Variants in FRMD3 observed in about 807,000 individuals in gnomAD.
FRMD3 encodes FERM domain-containing protein 3.
Under a neutral mutation model 70.2 loss-of-function variants are expected in FRMD3, and 33 were observed. That is an observed-to-expected ratio of 0.47 (90% CI 0.36 to 0.63). The LOEUF is 0.63. Among genes scored for constraint, FRMD3 ranks in the 20% least tolerant of loss-of-function variants. The probability of loss-of-function intolerance (pLI) is 0.00; values close to 1 mark genes in which losing one functional copy is unlikely to be tolerated. For synonymous variants in FRMD3, 279 were observed against 255.9 expected (o/e 1.09, Z -0.86); for missense variants, 632 against 711.4 (o/e 0.89, Z 1.27).
chr9:83,288,635 T>C (rs1022429184), intron 13 of FRMD3, among the ~76,000 whole-genome samples: 1 of 152,254 alleles, frequency 6.6e-6, no homozygotes, highest in Non-Finnish European at 1.5e-5. Context: ...TAATTGAAGA[T>C]GGTTCTTTAA....
intron 13 of FRMD3, among the ~76,000 whole-genome samples, chr9:83,273,054 G>A (rs868361073): frequency 4.4e-4 from 54 of 124,002 alleles, no homozygotes; most frequent in African/African-American, 1.2e-3. Context: ...GGGAGGTGGG[G>A]GGGGGCGCCT....
At chr9:83,508,330 C>G (rs1460607770) in intron 1 of FRMD3, among the ~76,000 whole-genome samples, 5 of 152,154 alleles carry the variant, frequency 3.3e-5, no homozygotes, top group Non-Finnish European at 1.5e-5. Flanking sequence ...GTTTCTGGAG[C>G]TAGGTGCTGT....
At chr9:83,418,601 A>G (rs1177588056) in intron 1 of FRMD3, among the ~76,000 whole-genome samples, 2 of 152,198 alleles carry the variant, frequency 1.3e-5, no homozygotes, top group Admixed American at 6.5e-5. Flanking sequence ...TCCTGCAAGA[A>G]TGGCCATTAT....
chr9:83,551,724 T>A, the FRMD3 span, among the ~76,000 whole-genome samples: 8 of 152,186 alleles, frequency 5.3e-5, no homozygotes, highest in African/African-American at 1.7e-4. Flanking sequence ...TGTCCAGGAA[T>A]TTATCCTTCT....
rs114359912 is a variant in FRMD3, at chr9:83,520,224, C to T, written c.147+17861G>A. 4.6e-3 allele frequency among the ~76,000 whole-genome samples: 698 copies of T among 152,260 alleles called. 10 individuals carry two copies. Among genetic ancestry groups the T allele is most frequent in the African/African-American group, 0.016 (662 of 41,546 alleles). ...ACTCACCAGGCTAATTCCTTCCCCCCCTGGACTTCAGATGCTCCCTGAGAA... is the reference window on the plus strand; with the variant it reads ...ACTCACCAGGCTAATTCCTTCCCCCTCTGGACTTCAGATGCTCCCTGAGAA... On this transcript the variant is annotated intron_variant, in intron 1 of 13. Transcript: ENST00000304195.
chr9:83,298,798 C>G lies in FRMD3; in HGVS notation c.1020G>C (p.Glu340Asp). ...GGATCTTGGAACTGGCCTCCACCAC[C>G]TCTTTGGCAACTTTCCCACTGCAAA... The part of the protein sequence containing the change: ...RFRYSGKVAK[E>D]VVEASSKIQR... Residue 340 changes from glutamate (E) to aspartate (D), a missense_variant, in exon 12 of 14, where the codon GAG becomes GAC. Glu to Asp is a conservative substitution (Grantham distance 45, BLOSUM62 2). Coordinates refer to ENST00000304195, the MANE Select transcript of FRMD3 (RefSeq NM_174938.6). 6.2e-7 allele frequency: 1 copy of G among 1,614,230 alleles called. No homozygotes were observed. The highest frequency in any genetic ancestry group is 8.5e-7 in the Non-Finnish European group (1 of 1,180,030).
chr9:83,393,590 C>CAAAAA (rs1315957347), intron 1 of FRMD3, among the ~76,000 whole-genome samples: 1 of 102,184 alleles, frequency 9.8e-6, no homozygotes, highest in African/African-American at 3.9e-5. Context: ...GCTTGTTTTC[C>CAAAAA]TGCAACTAAC....
intron 13 of FRMD3, among the ~76,000 whole-genome samples, chr9:83,253,761 T>C (rs1367478209): frequency 2.6e-5 from 4 of 152,136 alleles, no homozygotes; most frequent in African/African-American, 4.8e-5. Flanking sequence ...CATCCCATTA[T>C]TGGGTATATA....
chr9:83,372,687 T>A (rs1825013749), intron 3 of FRMD3, among the ~76,000 whole-genome samples: 1 of 151,978 alleles, frequency 6.6e-6, no homozygotes, highest in Non-Finnish European at 1.5e-5. Flanking sequence ...GAGGGCAAGA[T>A]GGGGGGGAGG....
chr9:83,307,049 C>G (rs1835161253), intron 10 of FRMD3, among the ~76,000 whole-genome samples: 1 of 152,092 alleles, frequency 6.6e-6, no homozygotes, highest in Non-Finnish European at 1.5e-5. Context: ...ATACATAGTA[C>G]AGATATATAA....
chr9:83,571,153 C>CA, the FRMD3 span, among the ~76,000 whole-genome samples: 2 of 151,882 alleles, frequency 1.3e-5, no homozygotes, highest in African/African-American at 2.4e-5. Flanking sequence ...TTCATTCCTG[C>CA]AAAAAAAGGT....
rs181096685 is a variant in FRMD3 at position 83,245,926 on chromosome 9, G to C, written c.*1992C>G. 34 of 981,080 alleles carry C rather than the reference G, an allele frequency of 3.5e-5. No homozygotes were observed. In the East Asian group the frequency reaches 3.0e-3, roughly 86 times the overall value. The allele number at this position is 981,080 out of a possible 1,614,324, so 60.8% of individuals were successfully genotyped here. ...TCACAGAAAATATATTCCTAAATCA[G>C]TATCAACTTTCAGGTAATAAACAAA... On this transcript the variant is annotated 3_prime_UTR_variant, in exon 14 of 14. Coordinates refer to ENST00000304195, the MANE Select transcript of FRMD3 (RefSeq NM_174938.6).
At position 83,391,868 on chromosome 9, in the gene FRMD3, A is replaced by C. The variant is rs1400373470; in HGVS notation, c.148-2160T>G. 2.0e-5 allele frequency among the ~76,000 whole-genome samples: 3 copies of C among 152,176 alleles called. No homozygotes were observed. The East Asian group carries it at 5.8e-4, about 29-fold the overall frequency. ...GTATAGCCTACAGATCAACACTATC[A>C]CAGAGCAGCAGCCTCAGTCTCACCC... On this transcript the variant is annotated intron_variant, in intron 1 of 13. Transcript: ENST00000304195.
chr9:83,294,841 G>A (rs1255958316), intron 12 of FRMD3, among the ~76,000 whole-genome samples: 1 of 152,206 alleles, frequency 6.6e-6, no homozygotes, highest in South Asian at 2.1e-4. Flanking sequence ...CTGTCCTCCT[G>A]TTTCTGGCTA....
rs570687041 is a variant in FRMD3 at position 83,246,993 on chromosome 9, T to C, written c.*925A>G. 3.0e-6 allele frequency: 3 copies of C among 985,468 alleles called. No individual in the cohort carries two copies. Among genetic ancestry groups the C allele is most frequent in the South Asian group, 9.4e-5 (2 of 21,292 alleles). The allele number at this position is 985,468 out of a possible 1,614,324, so 61.0% of individuals were successfully genotyped here. ...ACTCTTGGGTTAATGTACATTGATA[T>C]GCAACTGACTAGCACATCTGTTACC... On this transcript the variant is annotated 3_prime_UTR_variant, in exon 14 of 14. Coordinates refer to ENST00000304195, the MANE Select transcript of FRMD3 (RefSeq NM_174938.6).
rs376954266 is a variant in FRMD3 at position 83,298,816 on chromosome 9, A to C, written c.1002T>G (p.Ser334Arg). ...CCACCACCTCTTTGGCAACTTTCCCACTGCAAAAGACAGAAACACATGTGT... is the reference window on the plus strand; with the variant it reads ...CCACCACCTCTTTGGCAACTTTCCCCCTGCAAAAGACAGAAACACATGTGT... ...IFFKGSRFRYSGKVAKEVVEA... is the reference protein window; with the variant it reads ...IFFKGSRFRYRGKVAKEVVEA... The change falls in exon 12 of 14, where the codon AGT (serine) becomes AGG (arginine). Residue 334 changes from serine (S) to arginine (R), a missense_variant and splice_region_variant. Physicochemically the swap from Ser to Arg is moderately radical, Grantham distance 110. Transcript: ENST00000304195. The C allele has an allele frequency of 2.5e-6, 4 of 1,613,928 alleles. No homozygotes were observed. The African/African-American group carries it at 4.0e-5, about 16-fold the overall frequency.
At chr9:83,495,770 A>T (rs760124004) in intron 1 of FRMD3, among the ~76,000 whole-genome samples, 1 of 152,214 alleles carries the variant, frequency 6.6e-6, no homozygotes, top group Non-Finnish European at 1.5e-5. Context: ...GGCTATTTGA[A>T]ACAGTATTTT....
chr9:83,490,831 A>ACCG (rs1828808126), intron 1 of FRMD3, among the ~76,000 whole-genome samples: 1 of 99,416 alleles, frequency 1.0e-5, no homozygotes, highest in African/African-American at 3.4e-5. Flanking sequence ...CACACACACC[A>ACCG]TTCCTTGTCA....
At chr9:83,360,230 A>G (rs1824538390) in intron 3 of FRMD3, among the ~76,000 whole-genome samples, 1 of 152,264 alleles carries the variant, frequency 6.6e-6, no homozygotes, top group Non-Finnish European at 1.5e-5. Context: ...ATAACTAGCC[A>G]GACCCTTGGA....
Sources: gnomAD v4.1 joint callset for allele counts (sites outside exome capture counted in the v4.1 genomes callset) on GRCh38, gnomAD v4.1.1 for gene constraint, MANE v1.5 for transcripts, NCBI Gene and HGNC (gene_info 2026-07-23, HGNC 2026-07-21) for gene names.